CCDC50: variants seen among roughly 807,000 people sequenced by gnomAD.
The protein encoded by CCDC50 is coiled-coil domain containing 50, also known as coiled-coil domain-containing protein 50.
Under a neutral mutation model 70.2 loss-of-function variants are expected in CCDC50, and 54 were observed. That is an observed-to-expected ratio of 0.77 (90% CI 0.62 to 0.96). CCDC50 has a LOEUF of 0.96. CCDC50 is among the 50% of genes least tolerant of loss of function. The pLI, the probability that CCDC50 is intolerant of heterozygous loss-of-function variation, is 0.00. For synonymous variants in CCDC50, 216 were observed against 198.8 expected (o/e 1.09, Z -0.73); for missense variants, 558 against 578.7 (o/e 0.96, Z 0.37).
At chr3:191,385,506 T>C (rs1713458722) in intron 10 of CCDC50, among the ~76,000 whole-genome samples, 1 of 152,188 alleles carries the variant, frequency 6.6e-6, no homozygotes, top group Admixed American at 6.5e-5. Flanking sequence ...GGGTTGTTTT[T>C]TCCTTGTTCA....
chr3:191,358,305 G>A (rs1485632284), intron 3 of CCDC50, among the ~76,000 whole-genome samples, 181 bp downstream of exon 3: 3 of 152,176 alleles, frequency 2.0e-5, no homozygotes, highest in African/African-American at 7.2e-5. Flanking sequence ...TTTTGTTGGA[G>A]CACTTGACCA....
At chr3:191,387,820 T>C (rs1166657604) in intron 10 of CCDC50, among the ~76,000 whole-genome samples, 1 of 152,142 alleles carries the variant, frequency 6.6e-6, no homozygotes, top group African/African-American at 2.4e-5. Flanking sequence ...TCAACGTCTG[T>C]CTTTCTGATT....
intron 1 of CCDC50, among the ~76,000 whole-genome samples, chr3:191,340,896 T>C (rs553378512): frequency 2.1e-4 from 32 of 152,324 alleles, no homozygotes; most frequent in Admixed American, 2.0e-3. Context: ...CGTGCAGTGG[T>C]GCAGTCATAG....
chr3:191,354,660 A>G (rs948905774), intron 1 of CCDC50, among the ~76,000 whole-genome samples: 1 of 152,094 alleles, frequency 6.6e-6, no homozygotes, highest in African/African-American at 2.4e-5. Flanking sequence ...CTCTGTATGT[A>G]TATATTTCTG....
At position 191,329,951 on chromosome 3, in the gene CCDC50, G is replaced by C. The variant is rs530173086; in HGVS notation, c.49+228G>C. Among the ~76,000 whole-genome samples the C allele has an allele frequency of 0.015, 2,090 of 137,312 alleles. 80 individuals are homozygous for C. The highest frequency in any genetic ancestry group is 0.054 in the African/African-American group (1,971 of 36,560). 90.1% of individuals were successfully genotyped at this position (137,312 alleles called of 152,430 possible). A position where few individuals can be genotyped will look rare whatever the true frequency, so the allele number is the denominator to read the frequency against. ...TTCTCAAGGGGGTGGTTGGGGGGGG[G>C]GGGGGCTAGCAGCAGCCCCAGCAAG... On this transcript the variant is annotated intron_variant, in intron 1 of 11. Coordinates refer to ENST00000392455, the MANE Select transcript of CCDC50 (RefSeq NM_178335.3).
At chr3:191,332,787 C>T (rs1718034487) in intron 1 of CCDC50, among the ~76,000 whole-genome samples, 1 of 152,204 alleles carries the variant, frequency 6.6e-6, no homozygotes, top group African/African-American at 2.4e-5. Flanking sequence ...AGACTCCCTA[C>T]TTCCTTTTGC....
Position 191,394,638 on chromosome 3 carries a change from A to G in CCDC50, c.*2878A>G, listed in dbSNP as rs1033972088. On this transcript the variant is annotated 3_prime_UTR_variant, in exon 12 of 12. Transcript: ENST00000392455. Reference sequence around the variant, plus strand: ...TTGGAGGCCAGGCCTCATTAACACCAGTATTGTTGAATAAGCACAATATAT... The same window carrying G: ...TTGGAGGCCAGGCCTCATTAACACCGGTATTGTTGAATAAGCACAATATAT... 2 of 152,194 alleles carry G rather than the reference A, an allele frequency of 1.3e-5. No individual in the cohort carries two copies. The highest frequency in any genetic ancestry group is 2.9e-5 in the Non-Finnish European group (2 of 68,014). The allele number at this position is 152,194 out of a possible 1,614,324, so 9.4% of individuals were successfully genotyped here.
chr3:191,354,337 A>G (rs1712203612), intron 1 of CCDC50, among the ~76,000 whole-genome samples: 1 of 152,212 alleles, frequency 6.6e-6, no homozygotes, highest in South Asian at 2.1e-4. Flanking sequence ...AGTTTGTGTC[A>G]GTGCCATATT....
At chr3:191,367,286 C>T (rs180993952) in intron 4 of CCDC50, among the ~76,000 whole-genome samples, 4 of 152,018 alleles carry the variant, frequency 2.6e-5, no homozygotes, top group African/African-American at 9.6e-5. Context: ...GAGAGAGTGG[C>T]GTATTACTAT....
At chr3:191,356,524 G>C (rs1043271418) in intron 1 of CCDC50, among the ~76,000 whole-genome samples, 7 of 152,216 alleles carry the variant, frequency 4.6e-5, no homozygotes, top group Non-Finnish European at 8.8e-5. Flanking sequence ...ACCCACTGAA[G>C]AATGTTTAAG....
intron 3 of CCDC50, 68 bp downstream of exon 3, chr3:191,358,192 A>G (rs1039242061): frequency 7.6e-6 from 12 of 1,587,978 alleles, no homozygotes; most frequent in South Asian, 6.7e-5. Flanking sequence ...CAACCAGGGC[A>G]GGGGAGAAGG....
At chr3:191,371,481 AAT>A (rs1352494321) in intron 5 of CCDC50, among the ~76,000 whole-genome samples, 1 of 152,206 alleles carries the variant, frequency 6.6e-6, no homozygotes, top group Non-Finnish European at 1.5e-5. Context: ...GAGAGTCAAG[AAT>A]TTCAGGTCAG....
chr3:191,371,294 TTCTTTATC>T (rs1195862005), intron 5 of CCDC50, among the ~76,000 whole-genome samples: 3 of 152,266 alleles, frequency 2.0e-5, no homozygotes, highest in African/African-American at 7.2e-5. Context: ...GTTGTGGTGA[TTCTTTATC>T]TTAAAAATGT....
At chr3:191,333,309 C>T (rs1478911446) in intron 1 of CCDC50, among the ~76,000 whole-genome samples, 1 of 152,186 alleles carries the variant, frequency 6.6e-6, no homozygotes, top group Non-Finnish European at 1.5e-5. Context: ...GTTCAGGGCA[C>T]TCCAGTGGCA....
intron 10 of CCDC50, among the ~76,000 whole-genome samples, chr3:191,388,363 G>C (rs1489371738): frequency 2.0e-5 from 3 of 152,098 alleles, no homozygotes; most frequent in Admixed American, 2.0e-4. Context: ...TTTGAGCCCT[G>C]GGTCTGCCAC....
At chr3:191,358,475 TGAAATAGTG>T (rs1712370497) in intron 3 of CCDC50, among the ~76,000 whole-genome samples, 1 of 152,200 alleles carries the variant, frequency 6.6e-6, no homozygotes, top group Admixed American at 6.5e-5. Context: ...GGGGATCCAG[TGAAATAGTG>T]GACATCAAAT....
chr3:191,370,473 T>TG (rs1436537713), intron 5 of CCDC50, among the ~76,000 whole-genome samples: 4 of 142,388 alleles, frequency 2.8e-5, no homozygotes, highest in African/African-American at 5.2e-5. Context: ...TGGTTTTTTT[T>TG]GTTTGTTTTT....
At position 191,369,907 on chromosome 3, in the gene CCDC50, T is replaced by C. The variant is rs1445980669; in HGVS notation, c.331-12T>C. ...GGTAATGTGTATTTCCATTCTCCTC[T>C]TGTCTTTGCAGGACATAGCTCGCCT... On this transcript the variant is annotated splice_polypyrimidine_tract_variant and intron_variant, in intron 4 of 11. Transcript: ENST00000392455. 1 of 1,582,258 alleles carries C rather than the reference T, an allele frequency of 6.3e-7. No homozygotes were observed. The highest frequency in any genetic ancestry group is 1.1e-5 in the South Asian group (1 of 90,406).
At position 191,369,902 on chromosome 3, in the gene CCDC50, TC is replaced by T. The variant is rs771555755; in HGVS notation, c.331-15del. The T allele has an allele frequency of 1.3e-6, 2 of 1,563,634 alleles. No individual in the cohort carries two copies. The highest frequency in any genetic ancestry group is 1.8e-6 in the Non-Finnish European group (2 of 1,134,688). ...TCTTTGGTAATGTGTATTTCCATTC[TC>T]CTCTTGTCTTTGCAGGACATAGCTC... On this transcript the variant is annotated splice_polypyrimidine_tract_variant and intron_variant, in intron 4 of 11. Transcript: ENST00000392455.
Sources: allele counts gnomAD v4.1 joint callset (sites outside exome capture counted in the v4.1 genomes callset), GRCh38; gene constraint gnomAD v4.1.1; transcripts MANE v1.5; gene names NCBI Gene and HGNC (gene_info 2026-07-23, HGNC 2026-07-21).